The following AKAP7 variants were observed in gnomAD, a reference collection of about 807,000 sequenced individuals.
AKAP7 encodes A kinase (PRKA) anchor protein 7.
Under a neutral mutation model 39.5 loss-of-function variants are expected in AKAP7, and 39 were observed. The observed-to-expected ratio is 0.99, with a 90% CI of 0.76 to 1.29. AKAP7 has a LOEUF of 1.29. AKAP7 is among the 50% of genes most tolerant of loss of function. AKAP7 has a pLI of 0.00. For missense variants in AKAP7, 414 were observed against 407.7 expected (o/e 1.02, Z -0.13); for synonymous variants, 140 against 139.1 (o/e 1.01, Z -0.05).
chr6:131,281,804 C>T lies in AKAP7; in HGVS notation c.*78C>T, dbSNP rs145165555. The T allele has an allele frequency of 6.0e-5, 83 of 1,382,362 alleles. 1 individual carries two copies. In the African/African-American group the frequency reaches 1.0e-3, roughly 17 times the overall value. 85.6% of individuals were successfully genotyped at this position (1,382,362 alleles called of 1,614,324 possible). A position where few individuals can be genotyped will look rare whatever the true frequency, so the allele number is the denominator to read the frequency against. On this transcript the variant is annotated 3_prime_UTR_variant, in exon 8 of 8. Transcript: ENST00000431975. This position sits in a 1 kb window ranked among gnomAD's most constrained non-coding sequence, Gnocchi z 4.0. ...GCTGAGTCTAGGGACTGACTTGCAG[C>T]GTGCTGTTTAAGTTAAGTTTCTCTG...
chr6:131,130,924 G>GA (rs1800312873), upstream of AKAP7, among the ~76,000 whole-genome samples: 1 of 151,122 alleles, frequency 6.6e-6, no homozygotes, highest in Admixed American at 6.6e-5. Context: ...GCTTTGCAGG[G>GA]AAAAAAAGAA....
chr6:131,215,868 A>G (rs1179280042), intron 6 of AKAP7, among the ~76,000 whole-genome samples: 1 of 152,210 alleles, frequency 6.6e-6, no homozygotes, highest in Non-Finnish European at 1.5e-5. Flanking sequence ...TGGCTCTTAA[A>G]TCACATTCTT....
intron 7 of AKAP7, among the ~76,000 whole-genome samples, chr6:131,241,577 A>ATATATATGTG (rs1349874555): frequency 1.3e-3 from 105 of 81,168 alleles, no homozygotes; most frequent in Non-Finnish European, 2.1e-3. Flanking sequence ...GATTATATAT[A>ATATATATGTG]TGTGTGTGTG....
At chr6:131,241,607 G>GTGTGTGTATATACGTATATATA (rs1554217953) in intron 7 of AKAP7, among the ~76,000 whole-genome samples, 3 of 129,954 alleles carry the variant, frequency 2.3e-5, no homozygotes, top group Admixed American at 1.6e-4. Context: ...GTGTGTGTGT[G>GTGTGTGTATATACGTATATATA]TGTGTGTGTG....
intron 2 of AKAP7, among the ~76,000 whole-genome samples, chr6:131,146,921 T>G (rs1801532846): frequency 6.6e-6 from 1 of 152,204 alleles, no homozygotes; most frequent in Admixed American, 6.5e-5. Context: ...GTCAAGAAGC[T>G]CCCAGCTTCA....
intron 7 of AKAP7, chr6:131,242,306 C>T: frequency 3.2e-6 from 2 of 633,084 alleles, no homozygotes; most frequent in Non-Finnish European, 3.9e-6. Flanking sequence ...CAACTTGGAT[C>T]ATAATAAGCG....
In AKAP7 at chr6:131,282,812, G is replaced by T; in HGVS notation, c.*1086G>T. ...CTTGTGTTTTAGAATATCTGTTTCTGTAATATTGAGAGTTATTTTATAGAA... is the reference window on the plus strand; with the variant it reads ...CTTGTGTTTTAGAATATCTGTTTCTTTAATATTGAGAGTTATTTTATAGAA... On this transcript the variant is annotated 3_prime_UTR_variant, in exon 8 of 8. Coordinates refer to ENST00000431975, the MANE Select transcript of AKAP7 (RefSeq NM_016377.4). The T allele has an allele frequency of 2.2e-6, 1 of 449,328 alleles. No individual in the cohort carries two copies. Among genetic ancestry groups the T allele is most frequent in the Non-Finnish European group, 3.9e-6 (1 of 254,892 alleles). The allele number at this position is 449,328 out of a possible 1,614,324, so 27.8% of individuals were successfully genotyped here.
At chr6:131,180,518 G>A (rs1805074411) in intron 5 of AKAP7, among the ~76,000 whole-genome samples, 1 of 152,196 alleles carries the variant, frequency 6.6e-6, no homozygotes, top group South Asian at 2.1e-4. Context: ...ATCTTTAAAA[G>A]AGTTGCCTGT....
At chr6:131,161,641 T>C (rs980971265) in intron 3 of AKAP7, among the ~76,000 whole-genome samples, 11 of 25,664 alleles carry the variant, frequency 4.3e-4, no homozygotes, top group Admixed American at 2.7e-3. Flanking sequence ...CCAGACTGTA[T>C]CTCAAAAAAA....
intron 7 of AKAP7, among the ~76,000 whole-genome samples, chr6:131,270,211 C>G (rs2128334131): frequency 6.6e-6 from 1 of 152,332 alleles, no homozygotes; most frequent in East Asian, 1.9e-4. Context: ...CCAAAATTCT[C>G]TCATGCCCTT....
Position 131,183,943 on chromosome 6 carries a change from G to A in AKAP7, c.589+14670G>A, listed in dbSNP as rs918528832. Among the ~76,000 whole-genome samples, 3 of 152,144 alleles carry A rather than the reference G, an allele frequency of 2.0e-5. No individual in the cohort carries two copies. In the East Asian group the frequency reaches 5.8e-4, roughly 29 times the overall value. On this transcript the variant is annotated intron_variant, in intron 5 of 7. Transcript: ENST00000431975. Reference sequence around the variant, plus strand: ...CGCCTCTGGGGGATGGGAAAACTCTGGAGACCAGAGTGGAGGCAGAACAGA... The same window carrying A: ...CGCCTCTGGGGGATGGGAAAACTCTAGAGACCAGAGTGGAGGCAGAACAGA...
intron 7 of AKAP7, among the ~76,000 whole-genome samples, chr6:131,239,001 C>G (rs1473524258): frequency 6.6e-6 from 1 of 152,092 alleles, no homozygotes; most frequent in Non-Finnish European, 1.5e-5. Flanking sequence ...TTTTCTTAGC[C>G]TTGATGGTCT....
intron 2 of AKAP7, among the ~76,000 whole-genome samples, chr6:131,158,240 G>A (rs539392914): frequency 3.3e-5 from 5 of 152,108 alleles, no homozygotes; most frequent in Admixed American, 6.6e-5. Context: ...CTGTTTTATC[G>A]TGTAAAATAA....
At chr6:131,174,353 A>C (rs1029912624) in intron 5 of AKAP7, among the ~76,000 whole-genome samples, 5 of 152,228 alleles carry the variant, frequency 3.3e-5, no homozygotes, top group African/African-American at 1.2e-4. Flanking sequence ...TATAGCCTCT[A>C]TTTACATAGT....
At chr6:131,257,153 T>TG (rs1439476695) in intron 7 of AKAP7, among the ~76,000 whole-genome samples, 3 of 152,144 alleles carry the variant, frequency 2.0e-5, no homozygotes, top group Admixed American at 6.5e-5. Context: ...ACACTGTGCT[T>TG]GGCATATAAT....
chr6:131,151,125 C>T (rs1801875730), intron 2 of AKAP7, among the ~76,000 whole-genome samples: 1 of 152,006 alleles, frequency 6.6e-6, no homozygotes, highest in African/African-American at 2.4e-5. Context: ...CCACTGCAAC[C>T]TCTGCCTCCT....
chr6:131,205,080 G>A (rs1233724285), intron 6 of AKAP7, among the ~76,000 whole-genome samples: 1 of 152,094 alleles, frequency 6.6e-6, no homozygotes, highest in Non-Finnish European at 1.5e-5. Flanking sequence ...GAATGCTCTG[G>A]ATTATTACAG....
At chr6:131,182,451 G>T (rs1468745683) in intron 5 of AKAP7, among the ~76,000 whole-genome samples, 4 of 152,070 alleles carry the variant, frequency 2.6e-5, no homozygotes, top group African/African-American at 9.7e-5. Flanking sequence ...CGTCCTTAAG[G>T]TTCATCCATG....
intron 7 of AKAP7, among the ~76,000 whole-genome samples, chr6:131,263,763 G>A (rs1431603799): frequency 6.6e-6 from 1 of 152,180 alleles, no homozygotes; most frequent in African/African-American, 2.4e-5. Context: ...GAAGGGTGAA[G>A]GGTAGGTGAG....
Sources: gnomAD v4.1 joint callset for allele counts (sites outside exome capture counted in the v4.1 genomes callset) on GRCh38, gnomAD v4.1.1 for gene constraint, Gnocchi (gnomAD v3.1) non-coding constraint, MANE v1.5 for transcripts, NCBI Gene and HGNC (gene_info 2026-07-23, HGNC 2026-07-21) for gene names.